Variants in DCLK1 observed in about 807,000 individuals in gnomAD.
DCLK1 encodes the protein serine/threonine-protein kinase DCLK1.
Under a neutral mutation model 86.2 loss-of-function variants are expected in DCLK1, and 16 were observed. The ratio of observed to expected loss-of-function variants is 0.19; its 90% CI spans 0.13 to 0.28. DCLK1 has a LOEUF of 0.28. DCLK1 is among the 10% of genes least tolerant of loss of function. The pLI is 1.00. For synonymous variants in DCLK1, 369 were observed against 370.5 expected (o/e 1.00, Z 0.05); for missense variants, 590 against 940.2 (o/e 0.63, Z 4.87).
At chr13:36,124,388 G>A (rs1886095873) in intron 2 of DCLK1, among the ~76,000 whole-genome samples, 2 of 152,234 alleles carry the variant, frequency 1.3e-5, no homozygotes, top group Admixed American at 1.3e-4. Flanking sequence ...TTGGCAGCAT[G>A]TCAAGTCACC....
At chr13:35,960,847 T>C (rs752520962) in intron 3 of DCLK1, among the ~76,000 whole-genome samples, 1 of 152,358 alleles carries the variant, frequency 6.6e-6, no homozygotes, top group Middle Eastern at 3.4e-3. Flanking sequence ...TTGACATGAT[T>C]CTTTTTTTCT....
intron 3 of DCLK1, among the ~76,000 whole-genome samples, chr13:36,001,307 CA>C: frequency 6.6e-6 from 1 of 152,122 alleles, no homozygotes; most frequent in Non-Finnish European, 1.5e-5. Flanking sequence ...CATCCAACAG[CA>C]AAAAACAATG....
chr13:35,859,213 C>T (rs1871248236), intron 5 of DCLK1, among the ~76,000 whole-genome samples: 1 of 152,196 alleles, frequency 6.6e-6, no homozygotes, highest in South Asian at 2.1e-4. Context: ...AACAGCCAAG[C>T]AGGGCTGAAC....
chr13:35,850,846 CAG>C, intron 6 of DCLK1: 3 of 1,365,866 alleles, frequency 2.2e-6, no homozygotes, highest in Non-Finnish European at 2.9e-6. Context: ...CTCGTGAGAG[CAG>C]CACTGAATGG....
chr13:35,898,455 A>C (rs935938062), intron 4 of DCLK1, among the ~76,000 whole-genome samples: 2 of 152,264 alleles, frequency 1.3e-5, no homozygotes, highest in African/African-American at 4.8e-5. Context: ...AAACATCAGC[A>C]GTAAACATTT....
intron 3 of DCLK1, among the ~76,000 whole-genome samples, chr13:36,107,771 G>C (rs558683369): frequency 4.5e-4 from 68 of 152,246 alleles, no homozygotes; most frequent in Admixed American, 8.5e-4. Context: ...TCCATAAAAG[G>C]AGTCAGGAGA....
chr13:35,963,602 C>A (rs1043026798), intron 3 of DCLK1, among the ~76,000 whole-genome samples: 4 of 152,154 alleles, frequency 2.6e-5, no homozygotes, highest in Admixed American at 2.6e-4. Flanking sequence ...TCACGGATAA[C>A]ATGGTTAGAC....
chr13:35,978,988 C>G (rs1217771552), intron 3 of DCLK1, among the ~76,000 whole-genome samples: 1 of 152,224 alleles, frequency 6.6e-6, no homozygotes, highest in East Asian at 1.9e-4. Flanking sequence ...ATTGTCTTAT[C>G]TAATCCTGAA....
chr13:35,990,883 T>C (rs1226517521), intron 3 of DCLK1, among the ~76,000 whole-genome samples: 2 of 152,212 alleles, frequency 1.3e-5, no homozygotes, highest in Non-Finnish European at 2.9e-5. Flanking sequence ...GTCTACAAAG[T>C]AGGACTGGAG....
intron 16 of DCLK1, among the ~76,000 whole-genome samples, chr13:35,783,317 T>G (rs74046423): frequency 0.043 from 6,483 of 152,196 alleles, 466 homozygotes; most frequent in African/African-American, 0.15. Flanking sequence ...AAAGCAAATT[T>G]TTTTTTTTTT....
At position 36,040,814 on chromosome 13, in the gene DCLK1, G is replaced by A. The variant is rs558183188; in HGVS notation, c.723+71055C>T. 4.6e-5 allele frequency among the ~76,000 whole-genome samples: 7 copies of A among 152,108 alleles called. No individual in the cohort carries two copies. In the South Asian group the frequency reaches 1.5e-3, roughly 32 times the overall value. The stretch of plus-strand genomic sequence containing the variant: ...ACCATGGATATTTACTTTATACTTT[G>A]GGTTATAATCCAAGGCTACTTTATT... On this transcript the variant is annotated intron_variant, in intron 3 of 16. Transcript: ENST00000360631.
intron 3 of DCLK1, among the ~76,000 whole-genome samples, chr13:36,064,057 A>C (rs939793504): frequency 4.6e-5 from 7 of 152,222 alleles, no homozygotes; most frequent in Admixed American, 3.9e-4. Context: ...TAAACATCTC[A>C]CACTAAAAGT....
At chr13:35,867,915 A>G (rs1336719191) in intron 5 of DCLK1, among the ~76,000 whole-genome samples, 2 of 105,522 alleles carry the variant, frequency 1.9e-5, no homozygotes, top group African/African-American at 3.8e-5. Context: ...AAGAAAAAGA[A>G]AGAAAGAAAG....
At chr13:36,093,033 C>T (rs183196852) in intron 3 of DCLK1, among the ~76,000 whole-genome samples, 318 of 152,180 alleles carry the variant, frequency 2.1e-3, no homozygotes, top group Non-Finnish European at 3.9e-3. Flanking sequence ...TAGGCCTTCC[C>T]GAATAAGAGA....
chr13:36,073,910 G>A (rs921836457), intron 3 of DCLK1, among the ~76,000 whole-genome samples: 1 of 152,060 alleles, frequency 6.6e-6, no homozygotes, highest in Non-Finnish European at 1.5e-5. Context: ...TTCAAAAATC[G>A]GTATAACTCA....
At chr13:36,067,566 A>G (rs912868831) in intron 3 of DCLK1, among the ~76,000 whole-genome samples, 2 of 151,826 alleles carry the variant, frequency 1.3e-5, no homozygotes, top group African/African-American at 4.8e-5. Flanking sequence ...AATAATAATA[A>G]AATTAAAAAA....
rs2086372071 is a variant in DCLK1, at chr13:35,773,716, G to C, written c.*819C>G. 1.3e-5 allele frequency: 2 copies of C among 152,450 alleles called. No individual in the cohort carries two copies. The highest frequency in any genetic ancestry group is 2.9e-5 in the Non-Finnish European group (2 of 68,020). The allele number at this position is 152,450 out of a possible 1,614,324, so 9.4% of individuals were successfully genotyped here. A position where few individuals can be genotyped will look rare whatever the true frequency, so the allele number is the denominator to read the frequency against. On this transcript the variant is annotated 3_prime_UTR_variant, in exon 17 of 17. Transcript: ENST00000360631. ...CTTTCCTGTAGATGTCTGACACTGA[G>C]TAGAGAGACCCTCACTCACCAAGCA...
chr13:35,815,412 G>A (rs963613941), intron 11 of DCLK1, among the ~76,000 whole-genome samples: 16 of 152,114 alleles, frequency 1.1e-4, no homozygotes, highest in Non-Finnish European at 2.2e-4. Context: ...CAGATGTGTT[G>A]GAACAAACGT....
At chr13:36,084,727 A>T (rs1884535520) in intron 3 of DCLK1, among the ~76,000 whole-genome samples, 1 of 152,230 alleles carries the variant, frequency 6.6e-6, no homozygotes, top group East Asian at 1.9e-4. Flanking sequence ...ATTAAGAGAA[A>T]CAGACAAAAC....
Sources: allele counts gnomAD v4.1 joint callset (sites outside exome capture counted in the v4.1 genomes callset), GRCh38; gene constraint gnomAD v4.1.1; transcripts MANE v1.5; gene names NCBI Gene and HGNC (gene_info 2026-07-23, HGNC 2026-07-21).